AMZ1: variants seen among roughly 807,000 people sequenced by gnomAD.
The protein encoded by AMZ1 is archaelysin family metallopeptidase 1, also known as archaemetzincin-1.
In AMZ1, 39 loss-of-function variants were observed where a neutral mutation model predicts 29.9. That is an observed-to-expected ratio of 1.30 (90% CI 1.01 to 1.70). The LOEUF (loss-of-function observed/expected upper bound fraction) is 1.70, where lower values mean the gene tolerates loss of function less well. Ranked by LOEUF, AMZ1 falls within the 40% of genes most tolerant of loss-of-function variation. The probability of loss-of-function intolerance (pLI) is 0.00; values close to 1 mark genes in which losing one functional copy is unlikely to be tolerated. For synonymous variants in AMZ1, 458 were observed against 304.0 expected, an observed-to-expected ratio of 1.51 and a Z score of -5.27; for missense variants, 1,041 against 680.6, an observed-to-expected ratio of 1.53 and a Z score of -5.89.
At chr7:2,734,068 G>A (rs1790035926) in intron 4 of AMZ1, among the ~76,000 whole-genome samples, 2 of 152,176 alleles carry the variant, frequency 1.3e-5, no homozygotes, top group African/African-American at 4.8e-5. Flanking sequence ...TCTTCCATTT[G>A]GATTGTTGTG....
rs61745221 is a variant in AMZ1 at position 2,712,353 on chromosome 7, G to T, written c.972G>T (p.Ala324=). ...AGAGACTCTACACCTGGACTCAGGC[G>T]GTGGTGGGGACGTGGCCCAGCCAGG... is the stretch of plus-strand genomic sequence containing the variant. ...RYQRLYTWTQ[A]VVGTWPSQEA... is the part of the protein sequence containing the mutation. The change falls in exon 7 of 7, where the codon GCG becomes GCT. Residue 324 remains alanine (A), a synonymous_variant. Coordinates refer to ENST00000683327, the MANE Select transcript of AMZ1 (RefSeq NM_001384743.1). 1.9e-6 allele frequency: 3 copies of T among 1,596,992 alleles called. No individual in the cohort carries two copies. In the South Asian group the frequency reaches 3.4e-5, roughly 18 times the overall value.
intron 4 of AMZ1, among the ~76,000 whole-genome samples, chr7:2,739,369 C>A (rs1244805427): frequency 1.3e-5 from 2 of 152,212 alleles, no homozygotes; most frequent in Non-Finnish European, 2.9e-5. Flanking sequence ...CATTGGAGCG[C>A]ATTCACACAG....
intron 4 of AMZ1, among the ~76,000 whole-genome samples, chr7:2,735,018 C>T (rs1339636193): frequency 6.6e-6 from 1 of 152,188 alleles, no homozygotes; most frequent in Non-Finnish European, 1.5e-5. Flanking sequence ...CAGCCGCCTT[C>T]CCGTGGCTGT....
chr7:2,755,706 G>A (rs769743205), intron 4 of AMZ1, among the ~76,000 whole-genome samples: 7 of 152,128 alleles, frequency 4.6e-5, no homozygotes, highest in African/African-American at 9.7e-5. Flanking sequence ...CTTTTTCTCT[G>A]ATATGTCTAC....
At chr7:2,753,441 T>C (rs1211643202) in intron 4 of AMZ1, among the ~76,000 whole-genome samples, 1 of 152,196 alleles carries the variant, frequency 6.6e-6, no homozygotes, top group South Asian at 2.1e-4. Context: ...CCTGGCAGCA[T>C]GTGGCCTTTG....
intron 1 of AMZ1, among the ~76,000 whole-genome samples, chr7:2,688,534 G>A (rs962035429): frequency 1.8e-4 from 28 of 152,146 alleles, no homozygotes; most frequent in Admixed American, 1.8e-3. Context: ...TCCTGCAGAG[G>A]GAAGGCCGGG....
chr7:2,743,964 G>T (rs139393829), intron 4 of AMZ1, among the ~76,000 whole-genome samples: 1,884 of 152,264 alleles, frequency 0.012, 51 homozygotes, highest in African/African-American at 0.043. Context: ...CAGCAGCGAG[G>T]CTGGGGGAGG....
In AMZ1 at chr7:2,700,777, C is replaced by A. The variant is rs375951352; in HGVS notation, c.304+22C>A. 6 of 1,605,690 alleles carry A rather than the reference C, an allele frequency of 3.7e-6. 1 individual carries two copies. The East Asian group carries it at 1.3e-4, about 36-fold the overall frequency. On this transcript the variant is annotated intron_variant, in intron 2 of 6. Coordinates refer to ENST00000683327, the MANE Select transcript of AMZ1 (RefSeq NM_001384743.1). Reference sequence around the variant, plus strand: ...ATAGGTACGGGACGCCTGCAGCCATCGGCACGCTCCTGGGGGACCAGCTTA... The same window carrying A: ...ATAGGTACGGGACGCCTGCAGCCATAGGCACGCTCCTGGGGGACCAGCTTA...
At chr7:2,682,866 C>G (rs552831610) in intron 1 of AMZ1, among the ~76,000 whole-genome samples, 15 of 152,340 alleles carry the variant, frequency 9.8e-5, no homozygotes, top group African/African-American at 3.1e-4. Context: ...CCTGTGCTCG[C>G]ACGGTTCCTT....
rs369415899 is a variant in AMZ1 at position 2,717,718 on chromosome 7, C to T, written c.*4840C>T. ...AACAGATGCAGATCGCGGGTGGAGA[C>T]GGCCGGCCGAGCCTTCCCTTTTCTG... On this transcript the variant is annotated 3_prime_UTR_variant, in exon 7 of 7. Coordinates refer to ENST00000683327, the MANE Select transcript of AMZ1 (RefSeq NM_001384743.1). 7.2e-5 allele frequency among the ~76,000 whole-genome samples: 11 copies of T among 152,178 alleles called. No individual in the cohort carries two copies. Among genetic ancestry groups the T allele is most frequent in the African/African-American group, 2.4e-4 (10 of 41,434 alleles).
intron 4 of AMZ1, among the ~76,000 whole-genome samples, chr7:2,744,915 A>G (rs1295960400): frequency 6.6e-6 from 1 of 152,214 alleles, no homozygotes; most frequent in African/African-American, 2.4e-5. Context: ...AAGAAAGGGT[A>G]TAAGTGATGG....
At chr7:2,687,642 C>T (rs1299660873), upstream of AMZ1, among the ~76,000 whole-genome samples, 1 of 152,242 alleles carries the variant, frequency 6.6e-6, no homozygotes, top group South Asian at 2.1e-4. Flanking sequence ...TAGGGCAGGG[C>T]GCCCGTCCTC....
chr7:2,759,836 G>A (rs141690815), upstream of AMZ1, among the ~76,000 whole-genome samples: 706 of 152,268 alleles, frequency 4.6e-3, 2 homozygotes, highest in Non-Finnish European at 8.3e-3. Context: ...AACGGGTGCA[G>A]ATGCCGTCCA....
intron 1 of AMZ1, among the ~76,000 whole-genome samples, chr7:2,694,189 C>T (rs1583147753): frequency 6.6e-6 from 1 of 152,216 alleles, no homozygotes; most frequent in South Asian, 2.1e-4. Context: ...AGTGGCTGGG[C>T]ACCTTCCAAT....
At chr7:2,744,482 C>A (rs1790670175) in intron 4 of AMZ1, among the ~76,000 whole-genome samples, 1 of 152,164 alleles carries the variant, frequency 6.6e-6, no homozygotes, top group African/African-American at 2.4e-5. Flanking sequence ...GGAAAACTAA[C>A]AAACAGGAAG....
chr7:2,701,586 G>A (rs993673107), intron 2 of AMZ1, among the ~76,000 whole-genome samples: 8 of 152,220 alleles, frequency 5.3e-5, no homozygotes, highest in African/African-American at 1.9e-4. Context: ...GAGCGCGAGG[G>A]GCAGGGCCAG....
At chr7:2,739,200 C>T (rs1790373039) in intron 4 of AMZ1, among the ~76,000 whole-genome samples, 1 of 152,188 alleles carries the variant, frequency 6.6e-6, no homozygotes, top group African/African-American at 2.4e-5. Context: ...GAAAATTCAC[C>T]ATTTTGACAT....
At chr7:2,692,967 G>A (rs1279156955) in intron 1 of AMZ1, among the ~76,000 whole-genome samples, 1 of 152,130 alleles carries the variant, frequency 6.6e-6, no homozygotes, top group African/African-American at 2.4e-5. Context: ...TGTCTGGGAC[G>A]GTCTGCCCCT....
At position 2,738,680 on chromosome 7, in the gene AMZ1, C is replaced by T. The variant is rs1583214793; in HGVS notation, n.551-26032C>T. On this transcript the variant is annotated intron_variant and non_coding_transcript_variant, in intron 4 of 4. Coordinates refer to the AMZ1 transcript ENST00000489665. ...AGTAGCCCTCTCTGAGTATGTCTGA[C>T]TTTGGAACCATGCTAACATCTTCCA... Among the ~76,000 whole-genome samples the T allele has an allele frequency of 2.0e-5, 3 of 151,902 alleles. No homozygotes were observed. The South Asian group carries it at 6.2e-4, about 32-fold the overall frequency.
Sources: allele counts gnomAD v4.1 joint callset (sites outside exome capture counted in the v4.1 genomes callset), GRCh38; gene constraint gnomAD v4.1.1; transcripts MANE v1.5; gene names NCBI Gene and HGNC (gene_info 2026-07-23, HGNC 2026-07-21).